MISP: variants seen among roughly 807,000 people sequenced by gnomAD.
MISP encodes mitotic spindle positioning.
In MISP, 51 loss-of-function variants were observed where a neutral mutation model predicts 49.3. The observed-to-expected ratio is 1.03, with a 90% confidence interval of 0.83 to 1.31. The LOEUF (loss-of-function observed/expected upper bound fraction) is 1.31. Among genes scored for constraint, MISP ranks in the 50% most tolerant of loss-of-function variants. The probability of loss-of-function intolerance (pLI) is 0.00; values close to 1 mark genes in which losing one functional copy is unlikely to be tolerated. For missense variants in MISP, 1,084 were observed against 935.1 expected (o/e 1.16, Z -2.08); for synonymous variants, 444 against 392.6 (o/e 1.13, Z -1.55).
chr19:753,620 C>T (rs1023719835), intron 1 of MISP, among the ~76,000 whole-genome samples: 6 of 151,886 alleles, frequency 4.0e-5, no homozygotes, highest in Admixed American at 1.3e-4. Context: ...ATCTCCTGAC[C>T]TCGTGATCCG....
chr19:759,845 C>T, intron 2 of MISP, 64 bp from the exon 3 acceptor site: 3 of 1,590,884 alleles, frequency 1.9e-6, no homozygotes, highest in Non-Finnish European at 2.6e-6. Context: ...TGGCTAGAGA[C>T]TCTGTCTCCC....
intron 1 of MISP, among the ~76,000 whole-genome samples, chr19:754,337 G>A (rs2033510067): frequency 6.6e-6 from 1 of 152,212 alleles, no homozygotes; most frequent in Non-Finnish European, 1.5e-5. Flanking sequence ...GGTGGCGGGC[G>A]CCCGTAGTCC....
At chr19:753,056 G>T (rs1232781818) in intron 1 of MISP, among the ~76,000 whole-genome samples, 2 of 152,224 alleles carry the variant, frequency 1.3e-5, no homozygotes, top group African/African-American at 4.8e-5. Context: ...CGAGAGCGAG[G>T]CCTGGGCTGA....
rs1044748085 is a variant in MISP, at chr19:758,484, C to T, written c.1538C>T (p.Ala513Val). ...YFRLRPLRFR[A>V]PDEPQQAQVP... The stretch of plus-strand genomic sequence containing the variant: ...CGCCTGCGTCCTCTGCGGTTCAGGG[C>T]CCCAGACGAGCCCCAGCAGGCCCAA... The change falls in exon 2 of 5, where the codon GCC becomes GTC. Residue 513 changes from alanine (A) to valine (V), a missense_variant. By Grantham distance (64) the Ala-to-Val change is moderately conservative. Coordinates refer to ENST00000215582, the MANE Select transcript of MISP (RefSeq NM_173481.4). 1 of 1,614,082 alleles carries T rather than the reference C, an allele frequency of 6.2e-7. No homozygotes were observed. The highest frequency in any genetic ancestry group is 1.1e-5 in the South Asian group (1 of 91,084).
rs377309090 is a variant in MISP at position 757,476 on chromosome 19, G to T, written c.530G>T (p.Arg177Leu). The change falls in exon 2 of 5, where the codon CGG (arginine) becomes CTG (leucine). Residue 177 changes from arginine (R) to leucine (L), a missense_variant. Coordinates refer to ENST00000215582, the MANE Select transcript of MISP (RefSeq NM_173481.4). Reference protein sequence around the residue: ...HGDPRTPGPPRSTPLEENVVD... With the variant: ...HGDPRTPGPPLSTPLEENVVD... ...GACCCCAGGACCCCCGGCCCACCTC[G>T]GTCCACGCCCCTGGAGGAGAACGTG... 6.3e-7 allele frequency: 1 copy of T among 1,596,852 alleles called. No individual in the cohort carries two copies. Among genetic ancestry groups the T allele is most frequent in the East Asian group, 2.3e-5 (1 of 44,216 alleles).
upstream of MISP, among the ~76,000 whole-genome samples, chr19:748,867 G>A (rs536745493): frequency 5.3e-5 from 8 of 152,344 alleles, no homozygotes; most frequent in South Asian, 8.3e-4. Context: ...GGCCGGGCAC[G>A]GTGTTTCACA....
chr19:761,683 C>T lies in MISP; in HGVS notation c.1950+20C>T, dbSNP rs368882614. The T allele has an allele frequency of 2.2e-5, 36 of 1,613,902 alleles. No homozygotes were observed. Among genetic ancestry groups the T allele is most frequent in the Non-Finnish European group, 2.3e-5 (27 of 1,179,826 alleles). ...TCAGAGGTGAGTATGCTCCTGGGCACGAAGACTCAAGTCTTTCCCCCCCAC... is the reference window on the plus strand; with the variant it reads ...TCAGAGGTGAGTATGCTCCTGGGCATGAAGACTCAAGTCTTTCCCCCCCAC... On this transcript the variant is annotated intron_variant, in intron 4 of 4. Transcript: ENST00000215582.
chr19:760,812 G>A (rs1403007440), intron 3 of MISP, among the ~76,000 whole-genome samples: 1 of 151,932 alleles, frequency 6.6e-6, no homozygotes, highest in Non-Finnish European at 1.5e-5. Context: ...GCTGGCTCGG[G>A]GCTTCCAATG....
intron 1 of MISP, among the ~76,000 whole-genome samples, chr19:753,968 G>A (rs2033503119): frequency 6.6e-6 from 1 of 152,178 alleles, no homozygotes; most frequent in Non-Finnish European, 1.5e-5. Context: ...GGAGTCAGGA[G>A]CTCAAGCTTT....
intron 1 of MISP, 90 bp from the exon 2 acceptor site, chr19:756,800 G>T: frequency 3.0e-6 from 2 of 671,570 alleles, no homozygotes; most frequent in Non-Finnish European, 5.0e-6. Flanking sequence ...AAGGCCATTT[G>T]ATGGACCCTT....
intron 1 of MISP, among the ~76,000 whole-genome samples, chr19:754,765 G>T (rs1388927995): frequency 6.6e-6 from 1 of 152,212 alleles, no homozygotes; most frequent in Non-Finnish European, 1.5e-5. Flanking sequence ...AGAGGAAGCC[G>T]TGGAGAAGCA....
At chr19:763,243 G>C (rs1458378378) in intron 4 of MISP, among the ~76,000 whole-genome samples, 1 of 152,188 alleles carries the variant, frequency 6.6e-6, no homozygotes, top group Admixed American at 6.6e-5. Flanking sequence ...CGCCACTGCA[G>C]TCCAGCCTGG....
intron 1 of MISP, among the ~76,000 whole-genome samples, chr19:752,974 G>A (rs1423152112): frequency 2.0e-5 from 3 of 152,236 alleles, no homozygotes; most frequent in Non-Finnish European, 4.4e-5. Flanking sequence ...TGCCCAGCCA[G>A]TATTTATTAG....
In MISP at chr19:757,068, G is replaced by A; in HGVS notation, c.122G>A (p.Ser41Asn). ...YHLVCMGPEA[S>N]GWGQDEPQTW... ...CTGGTGTGCATGGGCCCCGAGGCCA[G>A]CGGCTGGGGCCAGGATGAGCCGCAG... Residue 41 changes from serine (S) to asparagine (N), a missense_variant, in exon 2 of 5, where the codon AGC (serine) becomes AAC (asparagine). Physicochemically the swap from Ser to Asn is conservative, Grantham distance 46. Transcript: ENST00000215582. 1 of 1,612,218 alleles carries A rather than the reference G, an allele frequency of 6.2e-7. No homozygotes were observed. The highest frequency in any genetic ancestry group is 8.5e-7 in the Non-Finnish European group (1 of 1,179,494).
chr19:758,925 A>G (rs1481820115), intron 2 of MISP, among the ~76,000 whole-genome samples, 199 bp downstream of exon 2: 1 of 152,122 alleles, frequency 6.6e-6, no homozygotes, highest in Non-Finnish European at 1.5e-5. Flanking sequence ...TGTCAACTTT[A>G]CCTTAGGGCT....
chr19:753,906 A>AGCTGGGATTACAGGCCTGAGCCCCTGT (rs1196039258), intron 1 of MISP, among the ~76,000 whole-genome samples: 4 of 150,848 alleles, frequency 2.7e-5, no homozygotes, highest in Non-Finnish European at 5.9e-5. Flanking sequence ...CCTCCCAAGT[A>AGCTGGGATTACAGGCCTGAGCCCCTGT]GCTGGGATTA....
rs535976351 is a variant in MISP, at chr19:758,305, G to C, written c.1359G>C (p.Ala453=). The change falls in exon 2 of 5, where the codon GCG becomes GCC. Residue 453 remains alanine, a synonymous_variant. Transcript: ENST00000215582. ...GCAAGCCCAGCAGTCTCTCCACAGC[G>C]GAGGCCAAGGCTGCGACTTCACCAA... ...AFGKPSSLST[A]EAKAATSPKA... 1 of 1,613,936 alleles carries C rather than the reference G, an allele frequency of 6.2e-7. No homozygotes were observed. The highest frequency in any genetic ancestry group is 1.3e-5 in the African/African-American group (1 of 74,930).
chr19:760,082 G>A lies in MISP; in HGVS notation c.1911+43G>A, dbSNP rs758867759. ...CTCTGCAGAGGCCAGGCTGAGGTCA[G>A]ACAGCCCCTATTAGGGCCACAGGAA... On this transcript the variant is annotated intron_variant, in intron 3 of 4. Transcript: ENST00000215582. The A allele has an allele frequency of 2.2e-5, 36 of 1,610,386 alleles. No homozygotes were observed. The South Asian group carries it at 3.7e-4, about 17-fold the overall frequency.
At chr19:761,534 G>T (rs2033671611) in intron 3 of MISP, 91 bp from the exon 4 acceptor site, 1 of 1,449,686 alleles carries the variant, frequency 6.9e-7, no homozygotes, top group Admixed American at 1.7e-5. Context: ...TTCCCCAAAT[G>T]GTGACAGAGA....
Sources: gnomAD v4.1 joint callset for allele counts (sites outside exome capture counted in the v4.1 genomes callset) on GRCh38, gnomAD v4.1.1 for gene constraint, MANE v1.5 for transcripts, NCBI Gene and HGNC (gene_info 2026-07-23, HGNC 2026-07-21) for gene names.